Variants in CNOT6L observed in about 807,000 individuals in gnomAD.
CNOT6L encodes CCR4-NOT transcription complex subunit 6 like, also known as CCR4-NOT transcription complex subunit 6-like.
Under a neutral mutation model 64.0 loss-of-function variants are expected in CNOT6L, and 7 were observed. That is an observed-to-expected ratio of 0.11 (90% confidence interval 0.06 to 0.21). The LOEUF (loss-of-function observed/expected upper bound fraction) is 0.21, where lower values mean the gene tolerates loss of function less well. Among genes scored for constraint, CNOT6L ranks in the 10% least tolerant of loss-of-function variants. The pLI is 1.00. For missense variants in CNOT6L, 245 were observed against 669.0 expected, an observed-to-expected ratio of 0.37 and a Z score of 6.99; for synonymous variants, 193 against 243.4, an observed-to-expected ratio of 0.79 and a Z score of 1.93.
intron 8 of CNOT6L, 173 bp from the exon 9 acceptor site, chr4:77,731,711 C>G: frequency 2.0e-6 from 1 of 489,702 alleles, no homozygotes; most frequent in Non-Finnish European, 3.5e-6. Context: ...AAAAGTTTCT[C>G]AGAGGCCCCA....
At chr4:77,743,898 G>A (rs1264433946) in intron 7 of CNOT6L, among the ~76,000 whole-genome samples, 4 of 151,810 alleles carry the variant, frequency 2.6e-5, no homozygotes, top group East Asian at 1.9e-4. Flanking sequence ...CACCATGCCC[G>A]GCCTGTAACA....
chr4:77,776,526 T>G, intron 1 of CNOT6L, 134 bp from the exon 2 acceptor site: 1 of 631,220 alleles, frequency 1.6e-6, no homozygotes. Flanking sequence ...AATTCTCACT[T>G]GCAGAAAAAG....
chr4:77,741,979 A>G (rs749458510), intron 8 of CNOT6L, among the ~76,000 whole-genome samples, 162 bp downstream of exon 8: 3 of 152,204 alleles, frequency 2.0e-5, no homozygotes, highest in Admixed American at 2.0e-4. Flanking sequence ...CTTATTTCGA[A>G]TACACAGCCT....
At chr4:77,738,858 G>T (rs1723268158) in intron 8 of CNOT6L, among the ~76,000 whole-genome samples, 1 of 151,720 alleles carries the variant, frequency 6.6e-6, no homozygotes, top group Non-Finnish European at 1.5e-5. Context: ...AAAATGCTTT[G>T]GAACGTAAAT....
chr4:77,798,078 C>A (rs1270933154), intron 1 of CNOT6L, among the ~76,000 whole-genome samples: 2 of 152,198 alleles, frequency 1.3e-5, no homozygotes, highest in African/African-American at 4.8e-5. Flanking sequence ...GTAATCCCAA[C>A]ATTTTGGGAG....
At chr4:77,797,126 A>AAAAAAAAG (rs59311223) in intron 1 of CNOT6L, among the ~76,000 whole-genome samples, 1 of 150,276 alleles carries the variant, frequency 6.7e-6, no homozygotes. Context: ...AAAAAAAAAA[A>AAAAAAAAG]CTGCCAAGGA....
In CNOT6L at chr4:77,719,148, A is replaced by T. The variant is rs1721040960; in HGVS notation, c.*1283T>A. The T allele has an allele frequency of 6.6e-6, 1 of 152,654 alleles. No individual in the cohort carries two copies. The highest frequency in any genetic ancestry group is 2.4e-5 in the African/African-American group (1 of 41,456). 9.5% of individuals were successfully genotyped at this position (152,654 alleles called of 1,614,324 possible). ...AACCAATTTTTCCCCAGAAAACAGT[A>T]TTCTGTTCACTGCCTCTTGAGTCAC... is the stretch of plus-strand genomic sequence containing the variant. On this transcript the variant is annotated 3_prime_UTR_variant, in exon 12 of 12. Transcript: ENST00000504123.
At chr4:77,744,469 G>T (rs1240385946) in intron 7 of CNOT6L, among the ~76,000 whole-genome samples, 2 of 151,970 alleles carry the variant, frequency 1.3e-5, no homozygotes, top group Non-Finnish European at 2.9e-5. Context: ...AACATGAACG[G>T]GTAAGATTAT....
At position 77,731,160 on chromosome 4, in the gene CNOT6L, A is replaced by G. The variant is rs139024461; in HGVS notation, c.1024+227T>C. On this transcript the variant is annotated intron_variant, in intron 9 of 11. Coordinates refer to ENST00000504123, the MANE Select transcript of CNOT6L (RefSeq NM_144571.3). ...AATGGCATATTAAAAAAGACTTTAC[A>G]TAGATTATCTGGTAAGTAAAAAAGA... Among the ~76,000 whole-genome samples the G allele has an allele frequency of 3.7e-4, 56 of 152,278 alleles. No individual in the cohort carries two copies. In the East Asian group the frequency reaches 0.01, roughly 27 times the overall value.
At chr4:77,756,828 G>T (rs755619261) in intron 5 of CNOT6L, 34 bp downstream of exon 5, 3 of 1,330,112 alleles carry the variant, frequency 2.3e-6, no homozygotes, top group Non-Finnish European at 3.2e-6. Flanking sequence ...AATATCTGTA[G>T]AATTTATTTT....
At chr4:77,727,393 C>T (rs560387188) in intron 10 of CNOT6L, among the ~76,000 whole-genome samples, 1 of 152,000 alleles carries the variant, frequency 6.6e-6, no homozygotes, top group Admixed American at 6.5e-5. Flanking sequence ...ATGGTGAAAG[C>T]CTGTCTCTAC....
chr4:77,743,581 C>T (rs1307472119), intron 7 of CNOT6L, among the ~76,000 whole-genome samples: 1 of 131,776 alleles, frequency 7.6e-6, no homozygotes, highest in African/African-American at 2.9e-5. Flanking sequence ...AATTGTAACA[C>T]ACAACTTTTT....
intron 11 of CNOT6L, 86 bp from the exon 12 acceptor site, chr4:77,720,729 C>G (rs2109847773): frequency 7.6e-7 from 1 of 1,316,374 alleles, no homozygotes; most frequent in South Asian, 1.3e-5. Flanking sequence ...AAAAAACTGA[C>G]TACCCTTTCT....
At chr4:77,744,666 A>G (rs1191412883) in intron 7 of CNOT6L, 52 bp downstream of exon 7, 12 of 1,477,526 alleles carry the variant, frequency 8.1e-6, no homozygotes, top group Admixed American at 2.3e-5. Context: ...ATCTTCTCTT[A>G]TGTTTAAGTT....
At chr4:77,799,382 A>G (rs186488839) in intron 1 of CNOT6L, among the ~76,000 whole-genome samples, 7 of 152,340 alleles carry the variant, frequency 4.6e-5, no homozygotes, top group Non-Finnish European at 7.4e-5. Context: ...ACTGCACTCC[A>G]GCCTAGGCTA....
chr4:77,785,516 T>C (rs1030388886), intron 1 of CNOT6L, among the ~76,000 whole-genome samples: 1 of 151,802 alleles, frequency 6.6e-6, no homozygotes, highest in Non-Finnish European at 1.5e-5. Context: ...AAAACACGTA[T>C]CTGAAAAAAA....
intron 5 of CNOT6L, 92 bp from the exon 6 acceptor site, chr4:77,748,476 C>A: frequency 5.9e-6 from 5 of 841,430 alleles, no homozygotes; most frequent in Non-Finnish European, 1.0e-5. Context: ...GTTTTCTATT[C>A]TGCTGTAACG....
Position 77,731,539 on chromosome 4 carries a change from C to G in CNOT6L, c.873-1G>C. The stretch of plus-strand genomic sequence containing the variant: ...TGTATGCTTCTGCACCAATGTAAAT[C>G]TAAAAGGTACATTATTATAATTTTA... On this transcript the variant is annotated splice_acceptor_variant, in intron 8 of 11. Coordinates refer to ENST00000504123, the MANE Select transcript of CNOT6L (RefSeq NM_144571.3). LOFTEE classifies it high-confidence loss of function. 1 of 1,549,034 alleles carries G rather than the reference C, an allele frequency of 6.5e-7. No individual in the cohort carries two copies. The highest frequency in any genetic ancestry group is 8.7e-7 in the Non-Finnish European group (1 of 1,152,626).
At chr4:77,741,447 A>AT (rs1723578653) in intron 8 of CNOT6L, among the ~76,000 whole-genome samples, 2 of 152,172 alleles carry the variant, frequency 1.3e-5, no homozygotes, top group South Asian at 4.1e-4. Flanking sequence ...TAACCATGGG[A>AT]TTCAACCTCT....
Sources: gnomAD v4.1 joint callset for allele counts (sites outside exome capture counted in the v4.1 genomes callset) on GRCh38, gnomAD v4.1.1 for gene constraint, MANE v1.5 for transcripts, NCBI Gene and HGNC (gene_info 2026-07-23, HGNC 2026-07-21) for gene names.